EP300: variants seen among roughly 807,000 people sequenced by gnomAD.
The protein encoded by EP300 is EP300 lysine acetyltransferase.
In EP300, 31 loss-of-function variants were observed where a neutral mutation model predicts 264.0. The observed-to-expected ratio is 0.12, with a 90% CI of 0.09 to 0.16. EP300 has a LOEUF of 0.16. EP300 is among the 10% of genes least tolerant of loss of function. The pLI is 1.00. For synonymous variants in EP300, 1,340 were observed against 1,045.4 expected (o/e 1.28, Z -5.44); for missense variants, 2,766 against 3,052.9 (o/e 0.91, Z 2.21).
At chr22:41,166,390 T>A (rs1273380723) in intron 22 of EP300, among the ~76,000 whole-genome samples, 1 of 152,246 alleles carries the variant, frequency 6.6e-6, no homozygotes, top group African/African-American at 2.4e-5. Flanking sequence ...TATATGCCCT[T>A]CATGTTTCTT....
intron 1 of EP300, among the ~76,000 whole-genome samples, chr22:41,106,161 A>G (rs984897637): frequency 6.6e-6 from 1 of 152,204 alleles, no homozygotes; most frequent in African/African-American, 2.4e-5. Context: ...GGAACCTGAT[A>G]AATTTGTAAA....
chr22:41,162,637 G>T, intron 20 of EP300, 86 bp from the exon 21 acceptor site: 2 of 1,031,874 alleles, frequency 1.9e-6, no homozygotes, highest in Non-Finnish European at 3.0e-6. Context: ...CTCTATATAG[G>T]GTGAAGTTTG....
At chr22:41,143,359 G>GGA in intron 10 of EP300, among the ~76,000 whole-genome samples, 1 of 152,140 alleles carries the variant, frequency 6.6e-6, no homozygotes, top group Non-Finnish European at 1.5e-5. Context: ...GGATGAGGCA[G>GGA]GAACATCACT....
intron 1 of EP300, among the ~76,000 whole-genome samples, chr22:41,111,702 C>T (rs543907045): frequency 9.9e-5 from 15 of 151,672 alleles, no homozygotes; most frequent in Non-Finnish European, 1.3e-4. Flanking sequence ...CACCACGTAC[C>T]GCTAATTTTG....
In EP300 at chr22:41,149,991, A is replaced by C; in HGVS notation, c.2610A>C (p.Pro870=). The change falls in exon 14 of 31, where the codon CCA becomes CCC. Residue 870 remains proline (P), a synonymous_variant. Transcript: ENST00000263253. The part of the protein sequence containing the change: ...PAPVPTPPAM[P]PGPQSQALHP... ...CTGTTCCTACACCTCCTGCCATGCCACCTGGGCCACAGTCCCAGGCTCTAC... is the reference window on the plus strand; with the variant it reads ...CTGTTCCTACACCTCCTGCCATGCCCCCTGGGCCACAGTCCCAGGCTCTAC... 6.2e-7 allele frequency: 1 copy of C among 1,612,380 alleles called. No homozygotes were observed. The highest frequency in any genetic ancestry group is 8.5e-7 in the Non-Finnish European group (1 of 1,179,740).
chr22:41,130,533 A>AAAAACAAAAC (rs143829701), intron 5 of EP300, among the ~76,000 whole-genome samples: 1 of 151,858 alleles, frequency 6.6e-6, no homozygotes, highest in Non-Finnish European at 1.5e-5. Context: ...TGTCTTTAAA[A>AAAAACAAAAC]AAAACAAAAC....
chr22:41,111,961 C>CA (rs1268953583), intron 1 of EP300, among the ~76,000 whole-genome samples: 2 of 132,894 alleles, frequency 1.5e-5, no homozygotes, highest in African/African-American at 2.8e-5. Context: ...GATGTCCACT[C>CA]ACTGCAAGCT....
Position 41,140,145 on chromosome 22 carries a change from A to G in EP300, c.1766A>G (p.Gln589Arg). Residue 589 changes from glutamine to arginine, a missense_variant, in exon 9 of 31, where the codon CAA (glutamine) becomes CGA (arginine). Gln to Arg is a conservative substitution (Grantham distance 43, BLOSUM62 1). Coordinates refer to ENST00000263253, the MANE Select transcript of EP300 (RefSeq NM_001429.4). ...LRNHLVHKLV[Q>R]AIFPTPDPAA... ...GTAGGATTTTCTTTTTCCAGCGTCCAAGCCATATTTCCTACGCCGGATCCT... is the reference window on the plus strand; with the variant it reads ...GTAGGATTTTCTTTTTCCAGCGTCCGAGCCATATTTCCTACGCCGGATCCT... 1.2e-6 allele frequency: 2 copies of G among 1,612,920 alleles called. 1 individual carries two copies. The highest frequency in any genetic ancestry group is 4.5e-5 in the East Asian group (2 of 44,874).
intron 1 of EP300, among the ~76,000 whole-genome samples, chr22:41,100,521 T>C (rs926609436): frequency 6.6e-6 from 1 of 152,178 alleles, no homozygotes; most frequent in African/African-American, 2.4e-5. Context: ...GTTCCGTGTT[T>C]GTGGAGTCAG....
chr22:41,131,794 G>A (rs1405031662), intron 6 of EP300, among the ~76,000 whole-genome samples, 161 bp downstream of exon 6: 4 of 152,112 alleles, frequency 2.6e-5, no homozygotes, highest in African/African-American at 9.7e-5. Flanking sequence ...TCATCTACGA[G>A]AGGTAACTGC....
At chr22:41,133,152 TC>T (rs71821697) in intron 6 of EP300, among the ~76,000 whole-genome samples, 2,314 of 65,044 alleles carry the variant, frequency 0.036, 40 homozygotes, top group African/African-American at 0.087. Flanking sequence ...CCTAAGATTA[TC>T]CCCCCCCCCA....
At position 41,150,298 on chromosome 22, in the gene EP300, G is replaced by A. The variant is rs145497867; in HGVS notation, c.2817+100G>A. ...ATTCTCTTTTGCTTTATCTCTTACTGTTTTCTCCACAAGTAGAATGTAATC... is the reference window on the plus strand; with the variant it reads ...ATTCTCTTTTGCTTTATCTCTTACTATTTTCTCCACAAGTAGAATGTAATC... On this transcript the variant is annotated intron_variant, in intron 14 of 30. Coordinates refer to ENST00000263253, the MANE Select transcript of EP300 (RefSeq NM_001429.4). 7,003 of 1,350,016 alleles carry A rather than the reference G, an allele frequency of 5.2e-3. 41 individuals are homozygous for A. Among genetic ancestry groups the A allele is most frequent in the Non-Finnish European group, 6.6e-3 (6,488 of 978,074 alleles). 83.6% of individuals were successfully genotyped at this position (1,350,016 alleles called of 1,614,324 possible).
At chr22:41,114,095 TGAAG>T (rs1174998025) in intron 1 of EP300, among the ~76,000 whole-genome samples, 5 of 152,248 alleles carry the variant, frequency 3.3e-5, no homozygotes, top group Admixed American at 3.3e-4. Flanking sequence ...AAGGAAATAA[TGAAG>T]GAACTATATC....
intron 13 of EP300, 75 bp downstream of exon 13, chr22:41,149,250 G>A (rs1321713552): frequency 2.6e-6 from 4 of 1,564,928 alleles, no homozygotes; most frequent in Non-Finnish European, 3.5e-6. Context: ...TTATAGGAGA[G>A]AGTGGCAGCA....
At chr22:41,131,890 A>T (rs905103735) in intron 6 of EP300, among the ~76,000 whole-genome samples, 27 of 152,152 alleles carry the variant, frequency 1.8e-4, no homozygotes, top group African/African-American at 6.5e-4. Context: ...ATTCCACAAC[A>T]AACTTTGATT....
chr22:41,095,055 T>C (rs2058694634), intron 1 of EP300, among the ~76,000 whole-genome samples: 1 of 152,094 alleles, frequency 6.6e-6, no homozygotes, highest in African/African-American at 2.4e-5. Flanking sequence ...TAGTTACTTT[T>C]CTAAATTTTG....
At chr22:41,128,902 G>C (rs1243911123) in intron 4 of EP300, among the ~76,000 whole-genome samples, 1 of 152,194 alleles carries the variant, frequency 6.6e-6, no homozygotes, top group African/African-American at 2.4e-5. Context: ...ACTCGGTAAA[G>C]GTCGTCTTGG....
At chr22:41,106,219 C>CT (rs2058757268) in intron 1 of EP300, among the ~76,000 whole-genome samples, 1 of 152,036 alleles carries the variant, frequency 6.6e-6, no homozygotes, top group Non-Finnish European at 1.5e-5. Context: ...AAATTTCATG[C>CT]TTTTTAAGCA....
At chr22:41,136,983 C>G (rs1467798066) in intron 7 of EP300, among the ~76,000 whole-genome samples, 2 of 151,952 alleles carry the variant, frequency 1.3e-5, no homozygotes, top group African/African-American at 4.8e-5. Context: ...TCGCTTGAAC[C>G]CCGGAGGCAG....
Sources: allele counts gnomAD v4.1 joint callset (sites outside exome capture counted in the v4.1 genomes callset), GRCh38; gene constraint gnomAD v4.1.1; transcripts MANE v1.5; gene names NCBI Gene and HGNC (gene_info 2026-07-23, HGNC 2026-07-21).